LOC128462377: variants seen among roughly 807,000 people sequenced by gnomAD.
At chr16:89,370,122 C>A in the LOC128462377 span, among the ~76,000 whole-genome samples, 1 of 152,232 alleles carries the variant, frequency 6.6e-6, no homozygotes, top group Non-Finnish European at 1.5e-5. Context: ...TGCTGTTCAA[C>A]TGGAAAAGGA....
chr16:89,404,921 G>A, the LOC128462377 span, among the ~76,000 whole-genome samples: 9 of 152,308 alleles, frequency 5.9e-5, no homozygotes, highest in South Asian at 1.4e-3. Context: ...AAGTGAACTC[G>A]TGGACAAACA....
At chr16:89,358,805 C>T in the LOC128462377 span, among the ~76,000 whole-genome samples, 3 of 152,064 alleles carry the variant, frequency 2.0e-5, no homozygotes, top group African/African-American at 7.2e-5. Flanking sequence ...TCTCACATTT[C>T]AGTTATAGTT....
At chr16:89,402,303 G>A in the LOC128462377 span, among the ~76,000 whole-genome samples, 3 of 152,214 alleles carry the variant, frequency 2.0e-5, no homozygotes, top group East Asian at 1.9e-4. Context: ...TTGTCTCAGC[G>A]ATACTAATGT....
At chr16:89,379,977 C>A in the LOC128462377 span, among the ~76,000 whole-genome samples, 2 of 152,230 alleles carry the variant, frequency 1.3e-5, no homozygotes, top group Non-Finnish European at 2.9e-5. Context: ...TTACCAAACA[C>A]TATTTTCTGC....
the LOC128462377 span, among the ~76,000 whole-genome samples, chr16:89,415,559 C>T: frequency 1.3e-4 from 20 of 151,630 alleles, no homozygotes; most frequent in African/African-American, 1.9e-4. Context: ...CCACTGCGCC[C>T]GGCAAGCTAT....
At chr16:89,376,509 C>T in the LOC128462377 span, among the ~76,000 whole-genome samples, 5 of 152,206 alleles carry the variant, frequency 3.3e-5, no homozygotes, top group Non-Finnish European at 7.3e-5. Flanking sequence ...ATGATCTCAG[C>T]TCACTGCAAC....
At chr16:89,351,279 G>A in the LOC128462377 span, among the ~76,000 whole-genome samples, 4 of 152,142 alleles carry the variant, frequency 2.6e-5, no homozygotes, top group South Asian at 2.1e-4. Flanking sequence ...CCCACAGGCC[G>A]CCAAACACAT....
the LOC128462377 span, among the ~76,000 whole-genome samples, chr16:89,415,829 C>CAAAAAAAAAAAAACAAAAAAAAAAAA: frequency 2.5e-5 from 1 of 39,744 alleles, no homozygotes; most frequent in Non-Finnish European, 4.7e-5. Context: ...GACTCTGTCT[C>CAAAAAAAAAAAAACAAAAAAAAAAAA]AAAAAAAAAA....
the LOC128462377 span, among the ~76,000 whole-genome samples, chr16:89,403,311 C>A: frequency 1.3e-5 from 2 of 152,134 alleles, no homozygotes; most frequent in Admixed American, 6.6e-5. Flanking sequence ...GCCTGCTCCC[C>A]CCTCCTGACC....
the LOC128462377 span, among the ~76,000 whole-genome samples, chr16:89,371,395 C>A: frequency 1.3e-5 from 2 of 152,226 alleles, no homozygotes; most frequent in Non-Finnish European, 2.9e-5. Flanking sequence ...TAAATCAAGT[C>A]ATTCCCTGCA....
At chr16:89,363,828 G>A in the LOC128462377 span, among the ~76,000 whole-genome samples, 16 of 152,274 alleles carry the variant, frequency 1.1e-4, 1 homozygote, top group South Asian at 3.1e-3. Context: ...GCTGCGGCAA[G>A]GAGGACTGAC....
At chr16:89,350,226 T>C in the LOC128462377 span, among the ~76,000 whole-genome samples, 4 of 152,332 alleles carry the variant, frequency 2.6e-5, no homozygotes, top group East Asian at 1.9e-4. Context: ...CATTCAACGC[T>C]GGTGGGAACA....
the LOC128462377 span, chr16:89,324,042 G>C: frequency 4.3e-6 from 1 of 232,074 alleles, no homozygotes. Flanking sequence ...GGTAGAGACA[G>C]GGTTTCACCA....
At chr16:89,359,390 T>C in the LOC128462377 span, among the ~76,000 whole-genome samples, 2 of 152,206 alleles carry the variant, frequency 1.3e-5, no homozygotes, top group African/African-American at 4.8e-5. Context: ...AGCCAGCTCC[T>C]GGAGCCAGCC....
At chr16:89,380,236 C>A in the LOC128462377 span, among the ~76,000 whole-genome samples, 1 of 152,148 alleles carries the variant, frequency 6.6e-6, no homozygotes, top group African/African-American at 2.4e-5. Context: ...TCTCTGCCCC[C>A]CGAGTAGTTG....
At chr16:89,384,879 C>CTTTTTTTTTTTTTTTT in the LOC128462377 span, among the ~76,000 whole-genome samples, 266 of 49,936 alleles carry the variant, frequency 5.3e-3, 44 homozygotes, top group Middle Eastern at 0.019. Context: ...AAATAGTTTT[C>CTTTTTTTTTTTTTTTT]TTTTTTTTTT....
chr16:89,396,782 G>A, the LOC128462377 span, among the ~76,000 whole-genome samples: 4 of 152,272 alleles, frequency 2.6e-5, no homozygotes, highest in Middle Eastern at 3.4e-3. Flanking sequence ...CGCCTCCCAG[G>A]TTCACGCCGT....
the LOC128462377 span, among the ~76,000 whole-genome samples, chr16:89,393,299 A>G: frequency 4.7e-5 from 7 of 148,540 alleles, 1 homozygote; most frequent in African/African-American, 7.5e-5. Flanking sequence ...TCTTTTTTTT[A>G]CTTTTTTTAT....
the LOC128462377 span, among the ~76,000 whole-genome samples, chr16:89,406,380 G>A: frequency 6.6e-6 from 1 of 152,160 alleles, no homozygotes; most frequent in African/African-American, 2.4e-5. Context: ...ACTCCTGAGG[G>A]CGACAAAACA....
Sources: allele counts gnomAD v4.1 joint callset (sites outside exome capture counted in the v4.1 genomes callset), GRCh38; gene constraint gnomAD v4.1.1; transcripts MANE v1.5.